The following SLC7A11 variants were observed in gnomAD, a reference collection of about 807,000 sequenced individuals.
The protein encoded by SLC7A11 is solute carrier family 7 member 11.
Under a neutral mutation model 54.5 loss-of-function variants are expected in SLC7A11, and 35 were observed. The ratio of observed to expected loss-of-function variants is 0.64; its 90% confidence interval spans 0.49 to 0.85. The LOEUF is 0.85. Ranked by LOEUF, SLC7A11 falls within the 40% of genes least tolerant of loss-of-function variation. The pLI, the probability that SLC7A11 is intolerant of heterozygous loss-of-function variation, is 0.00. For synonymous variants in SLC7A11, 230 were observed against 225.2 expected, an observed-to-expected ratio of 1.02 and a Z score of -0.19; for missense variants, 583 against 618.1, an observed-to-expected ratio of 0.94 and a Z score of 0.60.
At position 138,241,898 on chromosome 4, in the gene SLC7A11, T is replaced by C; in HGVS notation, c.172A>G (p.Ile58Val). ...RGVSIIIGTI[I>V]GAGIFISPKG... ...GGAGAGATGAAGATTCCTGCTCCAA[T>C]GATGGTGCCAATGATAATGGAGACT... The change falls in exon 1 of 12, where the codon ATT becomes GTT. Residue 58 changes from isoleucine to valine, a missense_variant. Physicochemically the swap from Ile to Val is conservative, Grantham distance 29. Coordinates refer to ENST00000280612, the MANE Select transcript of SLC7A11 (RefSeq NM_014331.4). The C allele has an allele frequency of 6.2e-7, 1 of 1,613,926 alleles. No homozygotes were observed. Among genetic ancestry groups the C allele is most frequent in the Non-Finnish European group, 8.5e-7 (1 of 1,179,898 alleles).
At chr4:138,182,585 T>C (rs1322541222) in intron 8 of SLC7A11, among the ~76,000 whole-genome samples, 192 bp from the exon 9 acceptor site, 5 of 152,140 alleles carry the variant, frequency 3.3e-5, no homozygotes, top group African/African-American at 1.2e-4. Flanking sequence ...TTTTACAAAA[T>C]CTGCCAACAT....
intron 10 of SLC7A11, 55 bp downstream of exon 10, chr4:138,180,586 G>T: frequency 6.4e-7 from 1 of 1,552,336 alleles, no homozygotes; most frequent in Non-Finnish European, 8.7e-7. Context: ...GACAAAGGGA[G>T]GACTAGGTAT....
chr4:138,186,043 T>G (rs903937356), intron 6 of SLC7A11, among the ~76,000 whole-genome samples: 1 of 152,124 alleles, frequency 6.6e-6, no homozygotes, highest in South Asian at 2.1e-4. Flanking sequence ...GCTGACATTA[T>G]GTGGCATCAA....
intron 6 of SLC7A11, among the ~76,000 whole-genome samples, chr4:138,200,747 A>G (rs760043981): frequency 5.9e-5 from 9 of 152,146 alleles, no homozygotes; most frequent in Non-Finnish European, 1.3e-4. Flanking sequence ...CTCTAACATC[A>G]CAGGCTTTGA....
intron 5 of SLC7A11, among the ~76,000 whole-genome samples, chr4:138,218,028 C>T (rs1737721141): frequency 6.6e-6 from 1 of 152,084 alleles, no homozygotes; most frequent in Admixed American, 6.6e-5. Flanking sequence ...GAGCTATAAT[C>T]TTCTAACAAT....
chr4:138,240,468 T>C (rs1738348935), intron 1 of SLC7A11, among the ~76,000 whole-genome samples: 1 of 150,236 alleles, frequency 6.7e-6, no homozygotes, highest in African/African-American at 2.4e-5. Flanking sequence ...TCGGGAGGCT[T>C]AGGCAGGAGA....
chr4:138,175,451 G>T (rs757136134), intron 11 of SLC7A11, among the ~76,000 whole-genome samples: 21 of 152,222 alleles, frequency 1.4e-4, no homozygotes, highest in Non-Finnish European at 2.8e-4. Context: ...TCCTGGCCCA[G>T]GTTTGCCAGG....
At chr4:138,216,967 C>A (rs1385131941) in intron 5 of SLC7A11, among the ~76,000 whole-genome samples, 1 of 152,032 alleles carries the variant, frequency 6.6e-6, no homozygotes, top group Non-Finnish European at 1.5e-5. Context: ...TGAATAAATG[C>A]CCCTCTCTTT....
chr4:138,223,575 A>ATTC (rs1367677571), intron 3 of SLC7A11, among the ~76,000 whole-genome samples: 1 of 152,170 alleles, frequency 6.6e-6, no homozygotes, highest in Non-Finnish European at 1.5e-5. Flanking sequence ...GACAATAAGA[A>ATTC]TTCTTCTCTT....
intron 6 of SLC7A11, among the ~76,000 whole-genome samples, chr4:138,200,357 C>T (rs1310756279): frequency 6.6e-6 from 1 of 152,104 alleles, no homozygotes; most frequent in Non-Finnish European, 1.5e-5. Flanking sequence ...CTTCAGTAAA[C>T]GACCTGAAAT....
chr4:138,180,183 C>T (rs571496372), intron 10 of SLC7A11, among the ~76,000 whole-genome samples: 5 of 152,162 alleles, frequency 3.3e-5, no homozygotes, highest in Admixed American at 3.3e-4. Flanking sequence ...AGAGAAAGAG[C>T]AATGTAACAA....
At chr4:138,220,727 G>A (rs893031105) in intron 4 of SLC7A11, among the ~76,000 whole-genome samples, 1 of 152,150 alleles carries the variant, frequency 6.6e-6, no homozygotes. Context: ...TGGGAAGTGA[G>A]ACTTTGTTTT....
chr4:138,209,364 T>C (rs1297359705), intron 6 of SLC7A11, among the ~76,000 whole-genome samples: 4 of 151,996 alleles, frequency 2.6e-5, no homozygotes, highest in Admixed American at 2.6e-4. Flanking sequence ...ACAAAGAAGA[T>C]GGAATCATAA....
chr4:138,235,072 ACC>A (rs1738173372), intron 2 of SLC7A11, among the ~76,000 whole-genome samples: 1 of 152,208 alleles, frequency 6.6e-6, no homozygotes, highest in African/African-American at 2.4e-5. Flanking sequence ...AAATATAGAC[ACC>A]TAAAATATTA....
At position 138,165,752 on chromosome 4, in the gene SLC7A11, C is replaced by T. The variant is rs1480180371; in HGVS notation, c.*6204G>A. 2 of 152,046 alleles carry T rather than the reference C, an allele frequency of 1.3e-5. No individual in the cohort carries two copies. The highest frequency in any genetic ancestry group is 2.4e-5 in the African/African-American group (1 of 41,398). The allele number at this position is 152,046 out of a possible 1,614,324, so 9.4% of individuals were successfully genotyped here. The stretch of plus-strand genomic sequence containing the variant: ...TTGTTTCCTTTCTGAACATGAATAA[C>T]ATCAAAGGAAGAACCCAGTTCTTAA... On this transcript the variant is annotated 3_prime_UTR_variant, in exon 12 of 12. Transcript: ENST00000280612.
At chr4:138,213,540 T>TCTCTCC (rs1245656178) in intron 6 of SLC7A11, among the ~76,000 whole-genome samples, 1 of 145,436 alleles carries the variant, frequency 6.9e-6, no homozygotes, top group Non-Finnish European at 1.5e-5. Context: ...CTCCTCTCTC[T>TCTCTCC]CTCTATCTCT....
At chr4:138,239,940 T>C (rs1738337268) in intron 1 of SLC7A11, among the ~76,000 whole-genome samples, 1 of 152,172 alleles carries the variant, frequency 6.6e-6, no homozygotes, top group Non-Finnish European at 1.5e-5. Flanking sequence ...GTAGGAAGAT[T>C]TAAAGGCTGA....
At chr4:138,184,306 T>C (rs1736822423) in intron 7 of SLC7A11, among the ~76,000 whole-genome samples, 1 of 152,128 alleles carries the variant, frequency 6.6e-6, no homozygotes, top group Non-Finnish European at 1.5e-5. Flanking sequence ...GCTGCTGATA[T>C]GAGGTAATAC....
intron 10 of SLC7A11, 134 bp from the exon 11 acceptor site, chr4:138,179,528 C>T (rs1004831928): frequency 1.1e-5 from 7 of 656,934 alleles, no homozygotes; most frequent in East Asian, 8.2e-5. Context: ...CAGGCACCAA[C>T]GTGCCTTAGT....
Sources: allele counts gnomAD v4.1 joint callset (sites outside exome capture counted in the v4.1 genomes callset), GRCh38; gene constraint gnomAD v4.1.1; transcripts MANE v1.5; gene names NCBI Gene and HGNC (gene_info 2026-07-23, HGNC 2026-07-21).